SPOCK1: variants seen among roughly 807,000 people sequenced by gnomAD.
SPOCK1 encodes testican-1.
SPOCK1 carries 23 observed loss-of-function variants against 55.3 expected under a neutral mutation model. That is an observed-to-expected ratio of 0.42 (90% CI 0.30 to 0.59). The LOEUF (loss-of-function observed/expected upper bound fraction) is 0.59. SPOCK1 is among the 20% of genes least tolerant of loss of function. The pLI is 0.22. For synonymous variants in SPOCK1, 226 were observed against 221.0 expected (o/e 1.02, Z -0.20); for missense variants, 499 against 552.5 (o/e 0.90, Z 0.97).
chr5:137,172,688 C>G (rs1274483145), intron 3 of SPOCK1, among the ~76,000 whole-genome samples: 1 of 152,144 alleles, frequency 6.6e-6, no homozygotes, highest in African/African-American at 2.4e-5. Flanking sequence ...CTTAACTACA[C>G]ACTCCCAATG....
intron 6 of SPOCK1, among the ~76,000 whole-genome samples, chr5:137,057,559 T>C (rs139720112): frequency 6.6e-6 from 1 of 152,322 alleles, no homozygotes; most frequent in African/African-American, 2.4e-5. Context: ...ATAAAAGTTA[T>C]ATTTTGTGAA....
Position 136,992,493 on chromosome 5 carries a change from C to T in SPOCK1, c.697G>A (p.Ala233Thr). ...RVIKPTSSNT[A>T]QGRFDTSILP... ...TTTAAAATGGTCTTACTGCCTTGGGCTGTGTTGGAGCTGGTGGGCTTGATG... is the reference window on the plus strand; with the variant it reads ...TTTAAAATGGTCTTACTGCCTTGGGTTGTGTTGGAGCTGGTGGGCTTGATG... The change falls in exon 7 of 11, where the codon GCC (alanine) becomes ACC (threonine). Residue 233 changes from alanine (A) to threonine (T), a missense_variant. This residue lies in a region of SPOCK1 where 386 missense variants were observed against 400.6 expected (regional missense o/e 0.96). Coordinates refer to ENST00000394945, the MANE Select transcript of SPOCK1 (RefSeq NM_004598.4). 1 of 1,611,816 alleles carries T rather than the reference C, an allele frequency of 6.2e-7. No homozygotes were observed. The highest frequency in any genetic ancestry group is 8.5e-7 in the Non-Finnish European group (1 of 1,178,818).
At chr5:137,325,096 C>T (rs73296862) in intron 2 of SPOCK1, among the ~76,000 whole-genome samples, 9,063 of 152,188 alleles carry the variant, frequency 0.06, 490 homozygotes, top group African/African-American at 0.14. Context: ...AAACTAACAG[C>T]TCTGTCTTTC....
At chr5:137,388,030 T>G (rs2127177849) in intron 2 of SPOCK1, among the ~76,000 whole-genome samples, 1 of 152,290 alleles carries the variant, frequency 6.6e-6, no homozygotes, top group Middle Eastern at 3.4e-3. Flanking sequence ...AGGTTTCCCA[T>G]TCCCATAAAA....
chr5:137,346,065 G>A (rs1405972699), intron 2 of SPOCK1, among the ~76,000 whole-genome samples: 1 of 152,214 alleles, frequency 6.6e-6, no homozygotes, highest in African/African-American at 2.4e-5. Context: ...TTCAAACTCA[G>A]GTCTGTCCCA....
intron 3 of SPOCK1, among the ~76,000 whole-genome samples, chr5:137,193,420 T>C (rs1040226669): frequency 3.3e-5 from 5 of 152,132 alleles, no homozygotes; most frequent in African/African-American, 1.2e-4. Context: ...CTATAGTAAC[T>C]GGGTGATGGA....
chr5:137,315,082 C>T (rs761409201), intron 2 of SPOCK1, among the ~76,000 whole-genome samples: 4 of 152,240 alleles, frequency 2.6e-5, no homozygotes, highest in South Asian at 4.2e-4. Context: ...CTGCCAATCC[C>T]GACAGGTCCC....
chr5:137,430,771 A>G (rs1752727070), intron 2 of SPOCK1, among the ~76,000 whole-genome samples: 1 of 152,194 alleles, frequency 6.6e-6, no homozygotes, highest in Non-Finnish European at 1.5e-5. Context: ...ATTCCTCCAG[A>G]AATGTATACC....
chr5:137,174,556 C>A (rs1175003802), intron 3 of SPOCK1, among the ~76,000 whole-genome samples: 1 of 152,238 alleles, frequency 6.6e-6, no homozygotes, highest in African/African-American at 2.4e-5. Flanking sequence ...GAGCAGTGCA[C>A]CCCAGTGCCT....
chr5:137,131,341 G>A (rs1386064799), intron 4 of SPOCK1, among the ~76,000 whole-genome samples: 7 of 152,186 alleles, frequency 4.6e-5, no homozygotes, highest in African/African-American at 7.2e-5. Flanking sequence ...CAGGCGTGGC[G>A]GCTCACGCCT....
intron 5 of SPOCK1, among the ~76,000 whole-genome samples, chr5:137,109,993 C>A (rs997357945): frequency 6.6e-6 from 1 of 152,174 alleles, no homozygotes; most frequent in African/African-American, 2.4e-5. Context: ...TTTGCCACCG[C>A]CCTCACCCCA....
intron 2 of SPOCK1, among the ~76,000 whole-genome samples, chr5:137,392,869 C>T (rs1345252949): frequency 6.6e-6 from 1 of 152,130 alleles, no homozygotes; most frequent in Non-Finnish European, 1.5e-5. Context: ...CAAATGTGTG[C>T]CAAATATCAT....
intron 2 of SPOCK1, among the ~76,000 whole-genome samples, chr5:137,329,883 T>C (rs919927304): frequency 2.0e-5 from 3 of 152,146 alleles, no homozygotes; most frequent in African/African-American, 7.2e-5. Flanking sequence ...TAGAAGGAAA[T>C]GCTATTTTGG....
At chr5:136,984,270 A>G (rs926742462) in intron 9 of SPOCK1, among the ~76,000 whole-genome samples, 4 of 152,214 alleles carry the variant, frequency 2.6e-5, no homozygotes, top group African/African-American at 7.2e-5. Context: ...ACATTTGACA[A>G]TCTGCAAGAA....
At position 137,341,789 on chromosome 5, in the gene SPOCK1, C is replaced by T. The variant is rs181841532; in HGVS notation, c.187-74734G>A. ...GTTTGCAAAAACTCCATGTTTACAA[C>T]GATGTGGGTAACAGCTAATCCCAGG... On this transcript the variant is annotated intron_variant, in intron 2 of 10. Transcript: ENST00000394945. 1.5e-4 allele frequency among the ~76,000 whole-genome samples: 23 copies of T among 152,306 alleles called. No individual in the cohort carries two copies. The East Asian group carries it at 1.7e-3, about 11-fold the overall frequency.
chr5:137,232,093 A>G (rs1174902719), intron 3 of SPOCK1, among the ~76,000 whole-genome samples: 1 of 152,124 alleles, frequency 6.6e-6, no homozygotes, highest in Non-Finnish European at 1.5e-5. Context: ...ACATATTCTC[A>G]ACACTTGCCA....
intron 6 of SPOCK1, among the ~76,000 whole-genome samples, chr5:137,054,494 C>T (rs1752266954): frequency 6.6e-6 from 1 of 152,184 alleles, no homozygotes. Context: ...AAAGGCAGCA[C>T]ATGTGGCAGA....
At chr5:137,394,616 T>C (rs1580901800) in intron 2 of SPOCK1, among the ~76,000 whole-genome samples, 1 of 152,220 alleles carries the variant, frequency 6.6e-6, no homozygotes, top group Admixed American at 6.5e-5. Flanking sequence ...ATCTCATTCA[T>C]CTTTGCAACT....
At chr5:137,450,912 G>A (rs1381592426) in intron 2 of SPOCK1, among the ~76,000 whole-genome samples, 2 of 151,848 alleles carry the variant, frequency 1.3e-5, no homozygotes, top group African/African-American at 4.8e-5. Context: ...CTCCCGACCA[G>A]TGTTCCCTCT....
Sources: allele counts gnomAD v4.1 joint callset (sites outside exome capture counted in the v4.1 genomes callset), GRCh38; gene constraint gnomAD v4.1.1; regional missense constraint gnomAD v4.1.1; transcripts MANE v1.5; gene names NCBI Gene and HGNC (gene_info 2026-07-23, HGNC 2026-07-21).